The following EPC2 variants were observed in gnomAD, a reference collection of about 807,000 sequenced individuals.
EPC2 encodes enhancer of polycomb 2, also known as enhancer of polycomb homolog 2.
Under a neutral mutation model 92.1 loss-of-function variants are expected in EPC2, and 14 were observed. The observed-to-expected ratio is 0.15, with a 90% CI of 0.10 to 0.24. The LOEUF is 0.24. Ranked by LOEUF, EPC2 falls within the 10% of genes least tolerant of loss-of-function variation. The pLI, the probability that EPC2 is intolerant of heterozygous loss-of-function variation, is 1.00. For synonymous variants in EPC2, 340 were observed against 334.7 expected (o/e 1.02, Z -0.17); for missense variants, 755 against 971.5 (o/e 0.78, Z 2.96).
chr2:148,731,036 G>A (rs114554269), intron 2 of EPC2, among the ~76,000 whole-genome samples: 75 of 151,966 alleles, frequency 4.9e-4, no homozygotes, highest in African/African-American at 1.5e-3. Context: ...CTCTGCTTTC[G>A]TGTCTGTTCC....
chr2:148,747,955 TGG>T (rs1478035840), intron 3 of EPC2, among the ~76,000 whole-genome samples: 4 of 152,086 alleles, frequency 2.6e-5, no homozygotes, highest in African/African-American at 9.7e-5. Flanking sequence ...CTCTCTGATA[TGG>T]TTTGGATTTG....
intron 10 of EPC2, among the ~76,000 whole-genome samples, chr2:148,780,596 A>G (rs1488173475): frequency 6.6e-6 from 1 of 152,070 alleles, no homozygotes; most frequent in African/African-American, 2.4e-5. Flanking sequence ...CTTCCCAACT[A>G]CATTCCAGGA....
chr2:148,749,979 A>G (rs1574621696), intron 3 of EPC2, among the ~76,000 whole-genome samples: 1 of 152,098 alleles, frequency 6.6e-6, no homozygotes. Flanking sequence ...GACTGCAGAG[A>G]AGGTTAGTTT....
Position 148,669,891 on chromosome 2 carries a change from G to A in EPC2, c.154-20323G>A, listed in dbSNP as rs192373977. Among the ~76,000 whole-genome samples the A allele has an allele frequency of 5.3e-5, 8 of 152,240 alleles. No homozygotes were observed. In the East Asian group the frequency reaches 1.4e-3, roughly 26 times the overall value. On this transcript the variant is annotated intron_variant, in intron 1 of 13. Transcript: ENST00000258484. ...AGGTTTTTCAGTCTTGTTAGGAACA[G>A]GCATTGTGTTCCCTCAGACTCTTTT... is the stretch of plus-strand genomic sequence containing the variant.
chr2:148,656,134 C>G (rs549672838), intron 1 of EPC2, among the ~76,000 whole-genome samples: 1 of 151,422 alleles, frequency 6.6e-6, no homozygotes, highest in South Asian at 2.1e-4. Flanking sequence ...ATATGTGATC[C>G]TAAAGTTAGC....
chr2:148,700,885 CAT>C (rs1339459512), intron 2 of EPC2, among the ~76,000 whole-genome samples: 1 of 152,130 alleles, frequency 6.6e-6, no homozygotes, highest in Non-Finnish European at 1.5e-5. Context: ...GAAGAATTGA[CAT>C]AATAGTGTCT....
intron 1 of EPC2, among the ~76,000 whole-genome samples, chr2:148,652,604 A>G (rs918683858): frequency 6.6e-5 from 10 of 152,230 alleles, no homozygotes; most frequent in African/African-American, 2.4e-4. Flanking sequence ...TCTAAAAATT[A>G]CTTGAACCTC....
intron 2 of EPC2, among the ~76,000 whole-genome samples, chr2:148,727,118 A>C (rs1682515151): frequency 6.6e-6 from 1 of 152,208 alleles, no homozygotes; most frequent in Non-Finnish European, 1.5e-5. Flanking sequence ...ATATGCTATA[A>C]GGTAAGGATC....
chr2:148,784,179 G>A (rs758911747), intron 12 of EPC2, among the ~76,000 whole-genome samples: 1 of 152,152 alleles, frequency 6.6e-6, no homozygotes, highest in African/African-American at 2.4e-5. Context: ...TCTGGCTCCC[G>A]CTCTTTAGAT....
chr2:148,732,676 C>T (rs949171852), intron 2 of EPC2, among the ~76,000 whole-genome samples: 8 of 152,036 alleles, frequency 5.3e-5, no homozygotes, highest in Non-Finnish European at 7.4e-5. Context: ...CCACTGTGCC[C>T]GGCCATTTTT....
chr2:148,653,620 C>G (rs1482114192), intron 1 of EPC2, among the ~76,000 whole-genome samples: 1 of 151,764 alleles, frequency 6.6e-6, no homozygotes, highest in Non-Finnish European at 1.5e-5. Context: ...GCAGCTGTTG[C>G]TATAAAGTCA....
At chr2:148,731,431 T>C (rs1342145493) in intron 2 of EPC2, among the ~76,000 whole-genome samples, 1 of 152,134 alleles carries the variant, frequency 6.6e-6, no homozygotes, top group African/African-American at 2.4e-5. Flanking sequence ...AGGTGGAGTT[T>C]CACTCTTGTC....
rs1023309375 is a variant in EPC2, at chr2:148,784,627, A to T, written c.2018-41A>T. 5 of 1,339,154 alleles carry T rather than the reference A, an allele frequency of 3.7e-6. No individual in the cohort carries two copies. The African/African-American group carries it at 7.4e-5, about 20-fold the overall frequency. The allele number at this position is 1,339,154 out of a possible 1,614,324, so 83.0% of individuals were successfully genotyped here. On this transcript the variant is annotated intron_variant, in intron 12 of 13. Coordinates refer to ENST00000258484, the MANE Select transcript of EPC2 (RefSeq NM_015630.4). The stretch of plus-strand genomic sequence containing the variant: ...TAAGCTTCTAAAAATAGTTGTATTG[A>T]TGTCTCATGATACTAGTTGAATGAC...
chr2:148,774,319 A>G (rs1244930455), intron 10 of EPC2, among the ~76,000 whole-genome samples: 1 of 152,174 alleles, frequency 6.6e-6, no homozygotes, highest in Non-Finnish European at 1.5e-5. Context: ...TCCATGTCAT[A>G]ACCCATGTGT....
At chr2:148,784,551 A>T (rs994369290) in intron 12 of EPC2, 117 bp from the exon 13 acceptor site, 6 of 785,880 alleles carry the variant, frequency 7.6e-6, no homozygotes, top group Non-Finnish European at 1.2e-5. Flanking sequence ...CCAGTGTGTG[A>T]AAAGTTAACT....
At chr2:148,734,117 A>G (rs1682703355) in intron 2 of EPC2, among the ~76,000 whole-genome samples, 2 of 152,258 alleles carry the variant, frequency 1.3e-5, no homozygotes, top group African/African-American at 4.8e-5. Flanking sequence ...AGAATTTTAT[A>G]TATATGGACT....
intron 2 of EPC2, among the ~76,000 whole-genome samples, chr2:148,706,409 C>A (rs1682000279): frequency 6.6e-6 from 1 of 152,058 alleles, no homozygotes; most frequent in Admixed American, 6.6e-5. Context: ...TGGAACCAAG[C>A]TGGAAAACAC....
chr2:148,723,929 CTT>C (rs1682434489), intron 2 of EPC2, among the ~76,000 whole-genome samples: 1 of 151,842 alleles, frequency 6.6e-6, no homozygotes, highest in Non-Finnish European at 1.5e-5. Flanking sequence ...TTAAAAATCT[CTT>C]GTGGAATTTT....
intron 2 of EPC2, chr2:148,692,720 T>G (rs1436795802): frequency 6.6e-6 from 1 of 152,178 alleles, no homozygotes; most frequent in Non-Finnish European, 1.5e-5. Flanking sequence ...TTTGATAATA[T>G]TGCAGTTAGG....
Sources: gnomAD v4.1 joint callset for allele counts (sites outside exome capture counted in the v4.1 genomes callset) on GRCh38, gnomAD v4.1.1 for gene constraint, MANE v1.5 for transcripts, NCBI Gene and HGNC (gene_info 2026-07-23, HGNC 2026-07-21) for gene names.